The following TENM3 variants were observed in gnomAD, a reference collection of about 807,000 sequenced individuals.
TENM3 encodes teneurin-3.
A neutral mutation model predicts 255.1 loss-of-function variants in TENM3; 63 were observed. The observed-to-expected ratio is 0.25, with a 90% confidence interval of 0.20 to 0.30. The LOEUF is 0.30. Among genes scored for constraint, TENM3 ranks in the 10% least tolerant of loss-of-function variants. The pLI, the probability that TENM3 is intolerant of heterozygous loss-of-function variation, is 1.00. For missense variants in TENM3, 2,929 were observed against 3,461.1 expected (o/e 0.85, Z 3.86); for synonymous variants, 1,306 against 1,322.3 (o/e 0.99, Z 0.27).
chr4:181,616,567 G>A, the TENM3 span, among the ~76,000 whole-genome samples: 1 of 151,526 alleles, frequency 6.6e-6, no homozygotes, highest in East Asian at 1.9e-4. Flanking sequence ...AGGATTTAGT[G>A]GGGGAATTGG....
intron 3 of TENM3, among the ~76,000 whole-genome samples, chr4:182,354,423 T>A (rs1765387026): frequency 6.6e-6 from 1 of 152,230 alleles, no homozygotes; most frequent in African/African-American, 2.4e-5. Flanking sequence ...ATCAGGTTTA[T>A]TGATGTAATT....
At chr4:182,271,821 A>T (rs1759649318) in intron 1 of TENM3, among the ~76,000 whole-genome samples, 1 of 152,226 alleles carries the variant, frequency 6.6e-6, no homozygotes, top group South Asian at 2.1e-4. Context: ...CGAAGAAAGG[A>T]TTATTGCGCA....
At chr4:181,581,970 C>T in the TENM3 span, among the ~76,000 whole-genome samples, 1,468 of 152,178 alleles carry the variant, frequency 9.6e-3, 22 homozygotes, top group African/African-American at 0.034. Flanking sequence ...CAACCTCAGG[C>T]GATCTGCCTG....
intron 4 of TENM3, among the ~76,000 whole-genome samples, chr4:182,620,736 G>GATTA (rs1455395261): frequency 3.9e-5 from 6 of 152,058 alleles, no homozygotes; most frequent in Admixed American, 3.9e-4. Context: ...TTGATTGATT[G>GATTA]ACTGATTTTT....
chr4:181,999,914 TTAAG>T, the TENM3 span, among the ~76,000 whole-genome samples: 1 of 152,166 alleles, frequency 6.6e-6, no homozygotes, highest in Non-Finnish European at 1.5e-5. Context: ...TTTATGCTTA[TTAAG>T]TATTTAATGA....
At chr4:181,867,430 G>T in the TENM3 span, among the ~76,000 whole-genome samples, 1 of 151,986 alleles carries the variant, frequency 6.6e-6, no homozygotes, top group African/African-American at 2.4e-5. Flanking sequence ...CACCCCTCCC[G>T]TTGGAAGTCA....
the TENM3 span, among the ~76,000 whole-genome samples, chr4:181,902,062 A>G: frequency 6.6e-6 from 1 of 152,124 alleles, no homozygotes; most frequent in Admixed American, 6.6e-5. Flanking sequence ...TTGCATAAAA[A>G]TCTGGGAGTC....
At chr4:181,628,520 A>C in the TENM3 span, among the ~76,000 whole-genome samples, 1 of 152,212 alleles carries the variant, frequency 6.6e-6, no homozygotes, top group African/African-American at 2.4e-5. Context: ...ATAAGGTGTA[A>C]GGAAGGGATC....
intron 3 of TENM3, among the ~76,000 whole-genome samples, chr4:182,528,373 C>T (rs984437681): frequency 3.9e-5 from 6 of 152,120 alleles, no homozygotes; most frequent in African/African-American, 1.4e-4. Context: ...CTCTGTGGCG[C>T]AGGGGTTTCT....
chr4:181,928,330 A>T, the TENM3 span, among the ~76,000 whole-genome samples: 2 of 152,006 alleles, frequency 1.3e-5, no homozygotes, highest in Non-Finnish European at 2.9e-5. Flanking sequence ...TTAGAGAAGA[A>T]CATAAATGAC....
the TENM3 span, among the ~76,000 whole-genome samples, chr4:181,755,762 T>C: frequency 1.3e-5 from 2 of 152,126 alleles, no homozygotes; most frequent in Non-Finnish European, 2.9e-5. Flanking sequence ...TGTGGATTGC[T>C]GTGGGAATAG....
intron 3 of TENM3, among the ~76,000 whole-genome samples, chr4:182,448,811 T>G (rs1580580314): frequency 7.0e-6 from 1 of 143,748 alleles, no homozygotes; most frequent in East Asian, 2.0e-4. Context: ...GGCGAGGGGG[T>G]GAGGCGAGGG....
At chr4:182,683,484 A>G (rs1230745155) in intron 11 of TENM3, among the ~76,000 whole-genome samples, 1 of 152,202 alleles carries the variant, frequency 6.6e-6, no homozygotes, top group African/African-American at 2.4e-5. Flanking sequence ...AAATATTATA[A>G]CATCTGAAAA....
At chr4:182,544,166 A>C (rs1279257273) in intron 3 of TENM3, among the ~76,000 whole-genome samples, 3 of 152,122 alleles carry the variant, frequency 2.0e-5, no homozygotes, top group Non-Finnish European at 4.4e-5. Context: ...AGGTATATAC[A>C]TGTAAGTTTT....
chr4:182,339,054 T>C (rs1764312951), intron 2 of TENM3, among the ~76,000 whole-genome samples: 2 of 152,192 alleles, frequency 1.3e-5, no homozygotes, highest in South Asian at 2.1e-4. Context: ...CCCTCACCTC[T>C]GTCATCAGAC....
the TENM3 span, among the ~76,000 whole-genome samples, chr4:181,904,442 T>C: frequency 6.6e-6 from 1 of 152,146 alleles, no homozygotes. Context: ...TATCAAAACA[T>C]CACATGTACC....
intron 3 of TENM3, among the ~76,000 whole-genome samples, chr4:182,524,914 C>T (rs187177851): frequency 6.6e-5 from 10 of 151,978 alleles, no homozygotes; most frequent in African/African-American, 2.4e-4. Flanking sequence ...GGTACGGTCC[C>T]AGCTACACAG....
At position 182,800,432 on chromosome 4, in the gene TENM3, C is replaced by A. The variant is rs1180960199; in HGVS notation, c.*81C>A. 6 of 1,436,484 alleles carry A rather than the reference C, an allele frequency of 4.2e-6. No homozygotes were observed. The highest frequency in any genetic ancestry group is 5.5e-6 in the Non-Finnish European group (6 of 1,090,654). 89.0% of individuals were successfully genotyped at this position (1,436,484 alleles called of 1,614,324 possible). ...CAACCCGAGTGGGACTCTCCAACGC[C>A]CAAGAGCCTTCCTCCCGGGGGAATG... is the stretch of plus-strand genomic sequence containing the variant. On this transcript the variant is annotated 3_prime_UTR_variant, in exon 28 of 28. Coordinates refer to ENST00000511685, the MANE Select transcript of TENM3 (RefSeq NM_001080477.4).
chr4:182,246,697 A>G (rs561769552), intron 1 of TENM3, among the ~76,000 whole-genome samples: 1 of 151,912 alleles, frequency 6.6e-6, no homozygotes, highest in Non-Finnish European at 1.5e-5. Flanking sequence ...CTGTATTCAT[A>G]AGAAATAGAG....
Sources: allele counts gnomAD v4.1 joint callset (sites outside exome capture counted in the v4.1 genomes callset), GRCh38; gene constraint gnomAD v4.1.1; transcripts MANE v1.5; gene names NCBI Gene and HGNC (gene_info 2026-07-23, HGNC 2026-07-21).